Variants in RAB4B observed in about 807,000 individuals in gnomAD.
The protein encoded by RAB4B is ras-related protein Rab-4B.
RAB4B carries 15 observed loss-of-function variants against 28.3 expected under a neutral mutation model. The ratio of observed to expected loss-of-function variants is 0.53; its 90% CI spans 0.35 to 0.82. RAB4B has a LOEUF of 0.82. Among genes scored for constraint, RAB4B ranks in the 40% least tolerant of loss-of-function variants. The pLI, the probability that RAB4B is intolerant of heterozygous loss-of-function variation, is 0.01. For missense variants in RAB4B, 244 were observed against 288.5 expected, an observed-to-expected ratio of 0.85 and a Z score of 1.12; for synonymous variants, 108 against 116.3, an observed-to-expected ratio of 0.93 and a Z score of 0.46.
At chr19:40,779,810 GA>G (rs1043571339) in intron 1 of RAB4B, 44 of 1,278,106 alleles carry the variant, frequency 3.4e-5, no homozygotes, top group South Asian at 1.1e-4. Context: ...AATAAAAGTT[GA>G]AAAAAAATAT....
chr19:40,778,495 G>C, intron 1 of RAB4B, 104 bp downstream of exon 1: 1 of 1,204,452 alleles, frequency 8.3e-7, no homozygotes, highest in South Asian at 1.9e-5. Context: ...GGTCTGGTGT[G>C]ATGGAGGCAG....
At chr19:40,795,948 C>G (rs369181146) in intron 7 of RAB4B, among the ~76,000 whole-genome samples, 52 of 152,062 alleles carry the variant, frequency 3.4e-4, no homozygotes, top group African/African-American at 1.2e-3. Context: ...TTCAGGTGAT[C>G]TGCCCGCCTC....
At chr19:40,780,567 T>C in intron 3 of RAB4B, 68 bp downstream of exon 3, 1 of 1,355,608 alleles carries the variant, frequency 7.4e-7, no homozygotes, top group East Asian at 2.4e-5. Flanking sequence ...GATGTGTGTG[T>C]AGAGTCACTT....
chr19:40,780,163 G>A, intron 2 of RAB4B, 64 bp downstream of exon 2: 3 of 1,594,534 alleles, frequency 1.9e-6, no homozygotes, highest in Non-Finnish European at 2.6e-6. Flanking sequence ...GTGGGCTGGT[G>A]GGCAGCCGGT....
At chr19:40,781,347 G>A (rs2083046286) in intron 3 of RAB4B, among the ~76,000 whole-genome samples, 1 of 150,658 alleles carries the variant, frequency 6.6e-6, no homozygotes, top group African/African-American at 2.4e-5. Flanking sequence ...AATAAATAAG[G>A]GAGGTGAGGA....
rs561805089 is a variant in RAB4B at position 40,795,556 on chromosome 19, C to T, written c.*16-1014C>T. Reference sequence around the variant, plus strand: ...CTGGGACTACAGGCACCTACCACCACGCCTGGCTAATTTTTGTATTTTTAG... The same window carrying T: ...CTGGGACTACAGGCACCTACCACCATGCCTGGCTAATTTTTGTATTTTTAG... On this transcript the variant is annotated intron_variant, in intron 7 of 7. Coordinates refer to ENST00000357052, the MANE Select transcript of RAB4B (RefSeq NM_016154.5). 2.0e-5 allele frequency among the ~76,000 whole-genome samples: 3 copies of T among 151,876 alleles called. No homozygotes were observed. The South Asian group carries it at 6.2e-4, about 32-fold the overall frequency.
intron 7 of RAB4B, chr19:40,794,618 A>G (rs575605984): frequency 6.6e-6 from 1 of 152,128 alleles, no homozygotes; most frequent in Admixed American, 6.5e-5. Context: ...ATTGGTCAAG[A>G]CCCACCAAAC....
At chr19:40,791,919 C>A (rs1243569202) in intron 7 of RAB4B, among the ~76,000 whole-genome samples, 1 of 152,236 alleles carries the variant, frequency 6.6e-6, no homozygotes. Flanking sequence ...AGGCATGAGC[C>A]ACTGCACCCG....
chr19:40,784,884 A>C (rs978946065), intron 5 of RAB4B, among the ~76,000 whole-genome samples: 6 of 145,824 alleles, frequency 4.1e-5, no homozygotes, highest in Admixed American at 1.4e-4. Context: ...TCTGTTGCCC[A>C]GGCTGGAGTA....
At chr19:40,795,841 G>A (rs896452402) in intron 7 of RAB4B, among the ~76,000 whole-genome samples, 1 of 152,050 alleles carries the variant, frequency 6.6e-6, no homozygotes, top group Non-Finnish European at 1.5e-5. Flanking sequence ...CTGAGTAGCT[G>A]GGATTACAGG....
At chr19:40,786,620 T>C (rs772188090) in intron 5 of RAB4B, 45 bp from the exon 6 acceptor site, 1 of 1,607,738 alleles carries the variant, frequency 6.2e-7, no homozygotes, top group Non-Finnish European at 8.5e-7. Context: ...CAGTGGAGGG[T>C]GGGGACTAAC....
chr19:40,778,456 T>C, intron 1 of RAB4B, 65 bp downstream of exon 1: 1 of 1,373,834 alleles, frequency 7.3e-7, no homozygotes, highest in Non-Finnish European at 9.5e-7. Flanking sequence ...CCTGTGGGAA[T>C]GGGCGGGGCT....
rs763187442 is a variant in RAB4B, at chr19:40,783,967, A to T, written c.322A>T (p.Thr108Ser). Reference sequence around the variant, plus strand: ...GGCTGCCTGGCTGACGGATGCCCGCACCCTGGCCAGCCCCAACATCGTGGT... The same window carrying T: ...GGCTGCCTGGCTGACGGATGCCCGCTCCCTGGCCAGCCCCAACATCGTGGT... ...SLAAWLTDAR[T>S]LASPNIVVIL... Residue 108 changes from threonine to serine, a missense_variant, in exon 5 of 8, where the codon ACC (threonine) becomes TCC (serine). Physicochemically the swap from Thr to Ser is moderately conservative, Grantham distance 58. Coordinates refer to ENST00000357052, the MANE Select transcript of RAB4B (RefSeq NM_016154.5). 2.5e-6 allele frequency: 4 copies of T among 1,613,716 alleles called. No homozygotes were observed. Among genetic ancestry groups the T allele is most frequent in the Non-Finnish European group, 3.4e-6 (4 of 1,179,840 alleles).
Position 40,792,941 on chromosome 19 carries a change from C to T in RAB4B, c.*16-3629C>T, listed in dbSNP as rs1039396762. 3.3e-5 allele frequency among the ~76,000 whole-genome samples: 5 copies of T among 151,996 alleles called. No individual in the cohort carries two copies. In the East Asian group the frequency reaches 5.8e-4, roughly 18 times the overall value. ...AATTACAGGCATGCACCACCACACC[C>T]GGCTAATTTTCGTATTTTTAGTGGA... On this transcript the variant is annotated intron_variant, in intron 7 of 7. Coordinates refer to ENST00000357052, the MANE Select transcript of RAB4B (RefSeq NM_016154.5).
At chr19:40,782,820 C>CA (rs1555777358) in intron 3 of RAB4B, among the ~76,000 whole-genome samples, 1 of 139,636 alleles carries the variant, frequency 7.2e-6, no homozygotes, top group Non-Finnish European at 1.6e-5. Flanking sequence ...CTCAATCAGT[C>CA]AATCAATCAA....
At chr19:40,779,102 G>A (rs953928470) in intron 1 of RAB4B, 2 of 863,080 alleles carry the variant, frequency 2.3e-6, no homozygotes, top group Non-Finnish European at 2.8e-6. Flanking sequence ...AAGGTCAGGA[G>A]CTATAGTGGA....
chr19:40,788,090 C>T (rs1303676261), intron 7 of RAB4B, among the ~76,000 whole-genome samples: 2 of 151,828 alleles, frequency 1.3e-5, no homozygotes, highest in African/African-American at 2.4e-5. Context: ...ATTTATTGAG[C>T]GCCTGCTGTG....
chr19:40,788,480 T>TAAA (rs1568494184), intron 7 of RAB4B, among the ~76,000 whole-genome samples: 3 of 76,108 alleles, frequency 3.9e-5, no homozygotes, highest in African/African-American at 6.0e-5. Context: ...AGCGAGACTC[T>TAAA]TAAAAAAAAA....
chr19:40,795,030 G>A (rs546692434), intron 7 of RAB4B, among the ~76,000 whole-genome samples: 5 of 150,740 alleles, frequency 3.3e-5, no homozygotes, highest in South Asian at 2.1e-4. Flanking sequence ...TTAGCCAGGC[G>A]TGGTGGCAAG....
Sources: gnomAD v4.1 joint callset for allele counts (sites outside exome capture counted in the v4.1 genomes callset) on GRCh38, gnomAD v4.1.1 for gene constraint, MANE v1.5 for transcripts, NCBI Gene and HGNC (gene_info 2026-07-23, HGNC 2026-07-21) for gene names.